CFAP299: variants seen among roughly 807,000 people sequenced by gnomAD.
CFAP299 encodes cilia and flagella associated protein 299.
In CFAP299, 21 loss-of-function variants were observed where a neutral mutation model predicts 27.0. The ratio of observed to expected loss-of-function variants is 0.78; its 90% confidence interval spans 0.55 to 1.12. The LOEUF (loss-of-function observed/expected upper bound fraction) is 1.12, where lower values mean the gene tolerates loss of function less well. Ranked by LOEUF, CFAP299 falls within the 50% of genes most tolerant of loss-of-function variation. CFAP299 has a pLI of 0.00. For missense variants in CFAP299, 310 were observed against 276.6 expected (o/e 1.12, Z -0.86); for synonymous variants, 104 against 98.1 (o/e 1.06, Z -0.36).
Position 80,831,897 on chromosome 4 carries a change from C to G in CFAP299, c.334-38096C>G, listed in dbSNP as rs555492483. 5.3e-5 allele frequency among the ~76,000 whole-genome samples: 8 copies of G among 152,258 alleles called. No homozygotes were observed. The South Asian group carries it at 1.7e-3, about 32-fold the overall frequency. On this transcript the variant is annotated intron_variant, in intron 3 of 5. Coordinates refer to ENST00000358105, the MANE Select transcript of CFAP299 (RefSeq NM_152770.3). ...ATTGTGAGACAGAGAGAACATGAAT[C>G]CTTGAATCATCAGAAACTAGTGCTT...
chr4:80,952,351 A>G (rs923420486), intron 5 of CFAP299, among the ~76,000 whole-genome samples: 1 of 152,206 alleles, frequency 6.6e-6, no homozygotes, highest in East Asian at 1.9e-4. Context: ...CTGAAAACAT[A>G]TGTAGAGCTA....
intron 4 of CFAP299, among the ~76,000 whole-genome samples, chr4:80,887,675 A>C (rs1734038763): frequency 6.6e-6 from 1 of 152,164 alleles, no homozygotes. Context: ...CACATAGAAT[A>C]ATACAGAATT....
chr4:80,927,959 C>T (rs1180299534), intron 4 of CFAP299, among the ~76,000 whole-genome samples: 3 of 152,040 alleles, frequency 2.0e-5, no homozygotes, highest in Admixed American at 1.3e-4. Flanking sequence ...TTCTACCTAC[C>T]ACATCTATCA....
At chr4:80,551,711 A>G (rs1200229289) in intron 2 of CFAP299, among the ~76,000 whole-genome samples, 1 of 151,380 alleles carries the variant, frequency 6.6e-6, no homozygotes, top group Non-Finnish European at 1.5e-5. Context: ...TAAGACTTTA[A>G]TTTTTGTGTA....
chr4:80,883,594 A>G (rs866387200), intron 4 of CFAP299, among the ~76,000 whole-genome samples: 1 of 152,174 alleles, frequency 6.6e-6, no homozygotes, highest in South Asian at 2.1e-4. Context: ...CATGAAAAAA[A>G]TGTTACATAA....
intron 4 of CFAP299, among the ~76,000 whole-genome samples, chr4:80,914,704 GAT>G (rs1028783737): frequency 6.6e-6 from 1 of 152,114 alleles, no homozygotes; most frequent in African/African-American, 2.4e-5. Flanking sequence ...GTGGAGCTTT[GAT>G]AGTTTGTATC....
intron 2 of CFAP299, among the ~76,000 whole-genome samples, chr4:80,554,800 T>C (rs188228769): frequency 1.3e-5 from 2 of 152,234 alleles, no homozygotes; most frequent in Non-Finnish European, 2.9e-5. Flanking sequence ...GCTCTCAGCT[T>C]GGCTGTTGTT....
chr4:80,639,466 A>T (rs1221420238), intron 3 of CFAP299, among the ~76,000 whole-genome samples: 1 of 152,138 alleles, frequency 6.6e-6, no homozygotes, highest in Admixed American at 6.5e-5. Context: ...CCCATGCAAA[A>T]TGAAAATGGA....
intron 2 of CFAP299, 35 bp downstream of exon 2, chr4:80,362,919 T>C (rs752839530): frequency 6.3e-7 from 1 of 1,588,590 alleles, no homozygotes; most frequent in Non-Finnish European, 8.5e-7. Flanking sequence ...GATTTTATGT[T>C]ATATTCTAGA....
At chr4:80,843,950 G>A (rs1033670978) in intron 3 of CFAP299, among the ~76,000 whole-genome samples, 1 of 151,920 alleles carries the variant, frequency 6.6e-6, no homozygotes, top group Non-Finnish European at 1.5e-5. Context: ...TCCCCTTCCT[G>A]TGTCCATGTG....
intron 4 of CFAP299, among the ~76,000 whole-genome samples, chr4:80,934,779 T>C (rs1354983312): frequency 6.6e-6 from 1 of 152,058 alleles, no homozygotes; most frequent in African/African-American, 2.4e-5. Flanking sequence ...TTCTCTCTTT[T>C]TTAAATTAGT....
intron 2 of CFAP299, among the ~76,000 whole-genome samples, chr4:80,516,076 A>T (rs1417268445): frequency 7.0e-6 from 1 of 141,876 alleles, no homozygotes; most frequent in Non-Finnish European, 1.5e-5. Flanking sequence ...GATGGAGTGC[A>T]GTGGCGTGAT....
At chr4:80,450,792 A>C (rs867919795) in intron 2 of CFAP299, among the ~76,000 whole-genome samples, 1 of 152,110 alleles carries the variant, frequency 6.6e-6, no homozygotes, top group Non-Finnish European at 1.5e-5. Context: ...TTTTCAACTT[A>C]ATGAAATAAA....
At chr4:80,854,344 A>T (rs1731701649) in intron 3 of CFAP299, among the ~76,000 whole-genome samples, 1 of 151,002 alleles carries the variant, frequency 6.6e-6, no homozygotes, top group East Asian at 1.9e-4. Flanking sequence ...AATATTGAGG[A>T]TTCTGCTATA....
chr4:80,472,877 A>G (rs1578484485), intron 2 of CFAP299, among the ~76,000 whole-genome samples: 1 of 152,276 alleles, frequency 6.6e-6, no homozygotes, highest in African/African-American at 2.4e-5. Flanking sequence ...TGGATTCCTT[A>G]GCGCAGAACT....
At chr4:80,744,433 G>A (rs1232891945) in intron 3 of CFAP299, among the ~76,000 whole-genome samples, 1 of 152,048 alleles carries the variant, frequency 6.6e-6, no homozygotes, top group East Asian at 1.9e-4. Flanking sequence ...GGGAATTATG[G>A]AAAATAAATG....
intron 4 of CFAP299, among the ~76,000 whole-genome samples, chr4:80,888,766 A>G (rs770028432): frequency 5.3e-5 from 8 of 152,060 alleles, no homozygotes; most frequent in Non-Finnish European, 8.8e-5. Context: ...AACAATATCA[A>G]ACATGTTCTG....
At chr4:80,395,191 T>C (rs1725712959) in intron 2 of CFAP299, among the ~76,000 whole-genome samples, 1 of 152,062 alleles carries the variant, frequency 6.6e-6, no homozygotes, top group Non-Finnish European at 1.5e-5. Context: ...TTGGGATCTT[T>C]CCTTAATTTC....
chr4:80,778,075 A>T (rs949209338), intron 3 of CFAP299, among the ~76,000 whole-genome samples: 2 of 152,186 alleles, frequency 1.3e-5, no homozygotes, highest in Non-Finnish European at 2.9e-5. Context: ...TTACTTTATT[A>T]TTCCTAAATC....
Sources: allele counts gnomAD v4.1 joint callset (sites outside exome capture counted in the v4.1 genomes callset), GRCh38; gene constraint gnomAD v4.1.1; transcripts MANE v1.5; gene names NCBI Gene and HGNC (gene_info 2026-07-23, HGNC 2026-07-21).